GPR89A: variants seen among roughly 807,000 people sequenced by gnomAD.
The protein encoded by GPR89A is golgi pH regulator A, also known as G protein-coupled receptor 89A.
Under a neutral mutation model 52.0 loss-of-function variants are expected in GPR89A, and 16 were observed. That is an observed-to-expected ratio of 0.31 (90% CI 0.21 to 0.47). The LOEUF (loss-of-function observed/expected upper bound fraction) is 0.47. GPR89A is among the 20% of genes least tolerant of loss of function. The pLI is 1.00. For missense variants in GPR89A, 135 were observed against 449.4 expected, an observed-to-expected ratio of 0.30 and a Z score of 6.33; for synonymous variants, 55 against 150.9, an observed-to-expected ratio of 0.36 and a Z score of 4.66.
intron 7 of GPR89A, among the ~76,000 whole-genome samples, chr1:145,634,957 A>C (rs1382887493): frequency 1.3e-5 from 2 of 152,170 alleles, no homozygotes; most frequent in Non-Finnish European, 2.9e-5. Flanking sequence ...GAAGCTTATT[A>C]GTCTACTCTC....
At chr1:145,658,432 C>G (rs587653038) in intron 10 of GPR89A, among the ~76,000 whole-genome samples, 1 of 151,298 alleles carries the variant, frequency 6.6e-6, no homozygotes, top group Non-Finnish European at 1.5e-5. Flanking sequence ...AAGGGAAACC[C>G]CATTCTTTAC....
intron 7 of GPR89A, among the ~76,000 whole-genome samples, chr1:145,634,367 C>G (rs1456972180): frequency 1.3e-5 from 2 of 151,942 alleles, no homozygotes; most frequent in Non-Finnish European, 2.9e-5. Flanking sequence ...AGGCGTGAGC[C>G]ACCATGCCCA....
At chr1:145,663,675 T>C (rs1460817688) in intron 11 of GPR89A, among the ~76,000 whole-genome samples, 5 of 152,354 alleles carry the variant, frequency 3.3e-5, no homozygotes, top group South Asian at 4.1e-4. Context: ...AATATTGTCA[T>C]GGATGCTGAT....
chr1:145,632,235 T>A (rs1165829861), intron 7 of GPR89A, among the ~76,000 whole-genome samples: 1 of 152,188 alleles, frequency 6.6e-6, no homozygotes, highest in Non-Finnish European at 1.5e-5. Flanking sequence ...CACATGTTTA[T>A]TTTTTTGTGG....
intron 10 of GPR89A, among the ~76,000 whole-genome samples, chr1:145,657,979 A>G (rs587736084): frequency 7.9e-5 from 12 of 152,122 alleles, no homozygotes; most frequent in African/African-American, 2.2e-4. Flanking sequence ...TATCAAGCCA[A>G]AAAGAAATTC....
At chr1:145,612,117 C>T (rs1207306770) in intron 1 of GPR89A, 7 of 152,058 alleles carry the variant, frequency 4.6e-5, no homozygotes, top group Non-Finnish European at 8.8e-5. Context: ...TAATCAGCTA[C>T]TTGTTTCATT....
intron 12 of GPR89A, among the ~76,000 whole-genome samples, chr1:145,668,245 G>C (rs1202371271): frequency 6.6e-6 from 1 of 151,976 alleles, no homozygotes; most frequent in African/African-American, 2.4e-5. Flanking sequence ...CTTTTATTTT[G>C]TTGAGCAGTG....
intron 7 of GPR89A, among the ~76,000 whole-genome samples, chr1:145,632,325 G>A (rs1240725268): frequency 6.6e-6 from 1 of 151,812 alleles, no homozygotes; most frequent in African/African-American, 2.4e-5. Context: ...ATGCTGTACA[G>A]TATGTTGCAA....
At chr1:145,652,228 G>A (rs1553693636) in intron 10 of GPR89A, among the ~76,000 whole-genome samples, 1 of 149,562 alleles carries the variant, frequency 6.7e-6, no homozygotes, top group African/African-American at 2.5e-5. Context: ...TTTATCAAAG[G>A]CCTTTTCTGT....
chr1:145,624,451 A>T lies in GPR89A; in HGVS notation c.415+737A>T, dbSNP rs1403512184. 2.7e-5 allele frequency among the ~76,000 whole-genome samples: 4 copies of T among 146,966 alleles called. 1 individual carries two copies. The highest frequency in any genetic ancestry group is 1.1e-4 in the African/African-American group (4 of 37,814). The stretch of plus-strand genomic sequence containing the variant: ...AAAAGATTAGAGAATCTATCTAAAA[A>T]GATTAGAGAGCCCATCTGTAATAAA... On this transcript the variant is annotated intron_variant, in intron 5 of 13. Transcript: ENST00000313835.
chr1:145,611,822 G>A (rs1413142085), intron 1 of GPR89A, among the ~76,000 whole-genome samples: 2 of 151,114 alleles, frequency 1.3e-5, no homozygotes, highest in South Asian at 2.1e-4. Flanking sequence ...TGTCTCCACC[G>A]GTAAATATTT....
At chr1:145,620,974 G>A (rs1649101731) in intron 3 of GPR89A, among the ~76,000 whole-genome samples, 1 of 152,182 alleles carries the variant, frequency 6.6e-6, no homozygotes, top group Non-Finnish European at 1.5e-5. Context: ...ATACTATGTA[G>A]TATTGCCTGG....
At chr1:145,632,867 A>G (rs1176659500) in intron 7 of GPR89A, among the ~76,000 whole-genome samples, 12 of 152,156 alleles carry the variant, frequency 7.9e-5, no homozygotes, top group African/African-American at 2.7e-4. Context: ...TCCACCAACA[A>G]TGTAATAGGG....
intron 10 of GPR89A, among the ~76,000 whole-genome samples, chr1:145,662,480 A>G (rs1215532839): frequency 1.3e-5 from 2 of 151,916 alleles, no homozygotes; most frequent in East Asian, 3.9e-4. Flanking sequence ...GTATCTTTAT[A>G]TTTATTAAAG....
At chr1:145,645,606 A>G (rs1231263567) in intron 8 of GPR89A, 6 of 453,970 alleles carry the variant, frequency 1.3e-5, no homozygotes, top group Admixed American at 1.2e-4. Flanking sequence ...ATCTCTATCA[A>G]TTAATTGTGT....
intron 10 of GPR89A, among the ~76,000 whole-genome samples, chr1:145,652,243 A>T (rs1158838744): frequency 6.6e-6 from 1 of 150,968 alleles, no homozygotes; most frequent in African/African-American, 2.4e-5. Flanking sequence ...TTCTGTGTCT[A>T]TTGAGATAAT....
Position 145,668,955 on chromosome 1 carries a change from C to T in GPR89A, c.1096-670C>T, listed in dbSNP as rs587602611. ...ATGGCAGATAAGCTTTTTGATGTGCCGCTGGATTCAGTTTGCCAGTATTTT... is the reference window on the plus strand; with the variant it reads ...ATGGCAGATAAGCTTTTTGATGTGCTGCTGGATTCAGTTTGCCAGTATTTT... On this transcript the variant is annotated intron_variant, in intron 12 of 13. Coordinates refer to ENST00000313835, the MANE Select transcript of GPR89A (RefSeq NM_001097612.2). 7.4e-4 allele frequency among the ~76,000 whole-genome samples: 112 copies of T among 151,964 alleles called. 3 individuals are homozygous for T. In the East Asian group the frequency reaches 0.02, roughly 27 times the overall value.
chr1:145,641,953 A>G (rs183970349), intron 7 of GPR89A, among the ~76,000 whole-genome samples: 80 of 152,090 alleles, frequency 5.3e-4, no homozygotes, highest in African/African-American at 1.8e-3. Context: ...AACTTATTTG[A>G]TAAGAGCAAA....
chr1:145,630,035 C>T (rs1271295799), intron 5 of GPR89A, among the ~76,000 whole-genome samples: 2 of 152,084 alleles, frequency 1.3e-5, no homozygotes, highest in African/African-American at 4.8e-5. Context: ...TCTCATTTAT[C>T]CCAAATACAT....
Sources: allele counts gnomAD v4.1 joint callset (sites outside exome capture counted in the v4.1 genomes callset), GRCh38; gene constraint gnomAD v4.1.1; transcripts MANE v1.5; gene names NCBI Gene and HGNC (gene_info 2026-07-23, HGNC 2026-07-21).